The following GALNT15 variants were observed in gnomAD, a reference collection of about 807,000 sequenced individuals.
GALNT15 encodes the protein UDP-GalNAc transferase T15.
Under a neutral mutation model 66.8 loss-of-function variants are expected in GALNT15, and 67 were observed. That is an observed-to-expected ratio of 1.00 (90% CI 0.82 to 1.23). The LOEUF (loss-of-function observed/expected upper bound fraction) is 1.23. Ranked by LOEUF, GALNT15 falls within the 50% of genes most tolerant of loss-of-function variation. The pLI is 0.00. For missense variants in GALNT15, 827 were observed against 804.3 expected (o/e 1.03, Z -0.34); for synonymous variants, 313 against 311.5 (o/e 1.00, Z -0.05).
rs143345931 is a variant in GALNT15, at chr3:16,223,580, T to C, written c.1773+822T>C. Among the ~76,000 whole-genome samples the C allele has an allele frequency of 2.0e-4, 30 of 152,166 alleles. No homozygotes were observed. In the East Asian group the frequency reaches 5.8e-3, roughly 29 times the overall value. ...CAGGCTGTGAAAGAAGAAAATCGTA[T>C]GATAGAAAACTTAAGCTAAGCTCAC... On this transcript the variant is annotated intron_variant, in intron 9 of 9. Coordinates refer to ENST00000339732, the MANE Select transcript of GALNT15 (RefSeq NM_054110.5).
rs2063388425 is a variant in GALNT15 at position 16,174,944 on chromosome 3, G to T, written c.-208G>T. 1.8e-6 allele frequency: 1 copy of T among 559,776 alleles called. No individual in the cohort carries two copies. The highest frequency in any genetic ancestry group is 3.2e-6 in the Non-Finnish European group (1 of 315,854). The allele number at this position is 559,776 out of a possible 1,614,324, so 34.7% of individuals were successfully genotyped here. ...GAAATCCACTCAGAGAGGACTTGGG[G>T]TGAAACTTGGGTCCTGTGGTTTTCT... On this transcript the variant is annotated 5_prime_UTR_variant, in exon 1 of 10. Transcript: ENST00000339732. The surrounding 1 kb of genome is among the most constrained non-coding windows in gnomAD (Gnocchi z 4.7).
Position 16,193,245 on chromosome 3 carries a change from C to CA in GALNT15, c.540-2514dup, listed in dbSNP as rs1342396537. 6.6e-6 allele frequency among the ~76,000 whole-genome samples: 1 copy of CA among 152,192 alleles called. No homozygotes were observed. Among genetic ancestry groups the CA allele is most frequent in the East Asian group, 1.9e-4 (1 of 5,196 alleles). ...ATTTTACTTTGGCTACCAGGGATCT[C>CA]AGAGTCAAATTTAAATTCATTCTAG... On this transcript the variant is annotated intron_variant, in intron 1 of 9. Transcript: ENST00000339732. This position sits in a 1 kb window ranked among gnomAD's most constrained non-coding sequence, Gnocchi z 4.7.
intron 1 of GALNT15, among the ~76,000 whole-genome samples, chr3:16,194,022 G>A (rs1289818670): frequency 6.6e-6 from 1 of 152,186 alleles, no homozygotes; most frequent in African/African-American, 2.4e-5. Flanking sequence ...CCTCAGCAGA[G>A]GGAAATGCAA....
chr3:16,215,916 A>AACAAAAAAAAAAAAAAAAAAAAAC (rs1553687148), intron 6 of GALNT15, among the ~76,000 whole-genome samples: 3 of 143,452 alleles, frequency 2.1e-5, no homozygotes, highest in East Asian at 2.2e-4. Flanking sequence ...CAAAAAAAAA[A>AACAAAAAAAAAAAAAAAAAAAAAC]AAAAAAAAAG....
Position 16,204,829 on chromosome 3 carries a change from T to C in GALNT15, c.912-3674T>C, listed in dbSNP as rs1176526798. Among the ~76,000 whole-genome samples, 1 of 149,370 alleles carries C rather than the reference T, an allele frequency of 6.7e-6. No homozygotes were observed. Among genetic ancestry groups the C allele is most frequent in the East Asian group, 1.9e-4 (1 of 5,196 alleles). On this transcript the variant is annotated intron_variant, in intron 3 of 9. Coordinates refer to ENST00000339732, the MANE Select transcript of GALNT15 (RefSeq NM_054110.5). The surrounding 1 kb of genome is among the most constrained non-coding windows in gnomAD (Gnocchi z 4.5). ...GCAGGGAGAAGAACACCTCCCACTC[T>C]GCCCTTTGAAGGGTTAAATGATGGA...
rs933056060 is a variant in GALNT15 at position 16,224,891 on chromosome 3, C to A, written c.1773+2133C>A. Among the ~76,000 whole-genome samples, 1 of 152,090 alleles carries A rather than the reference C, an allele frequency of 6.6e-6. No homozygotes were observed. The highest frequency in any genetic ancestry group is 1.5e-5 in the Non-Finnish European group (1 of 68,014). On this transcript the variant is annotated intron_variant, in intron 9 of 9. Coordinates refer to ENST00000339732, the MANE Select transcript of GALNT15 (RefSeq NM_054110.5). This position sits in a 1 kb window ranked among gnomAD's most constrained non-coding sequence, Gnocchi z 5.2. ...ACATCAGGTAATCTGCCTGCCTCGGCCTCCCAAAGTGCTGGGATTACAAGT... is the reference window on the plus strand; with the variant it reads ...ACATCAGGTAATCTGCCTGCCTCGGACTCCCAAAGTGCTGGGATTACAAGT...
the GALNT15 span, among the ~76,000 whole-genome samples, chr3:16,247,505 C>G: frequency 5.9e-5 from 9 of 152,324 alleles, no homozygotes; most frequent in East Asian, 1.2e-3. Flanking sequence ...AGAACTAAAA[C>G]AGGAACCAGG....
At chr3:16,247,375 G>A in the GALNT15 span, among the ~76,000 whole-genome samples, 1 of 152,210 alleles carries the variant, frequency 6.6e-6, no homozygotes, top group Admixed American at 6.5e-5. Flanking sequence ...AGAAACTGTG[G>A]CTTGCCCAAG....
the GALNT15 span, among the ~76,000 whole-genome samples, chr3:16,242,520 G>A: frequency 1.3e-5 from 2 of 152,114 alleles, no homozygotes; most frequent in Non-Finnish European, 2.9e-5. This position sits in a 1 kb window ranked among gnomAD's most constrained non-coding sequence, Gnocchi z 5.6. Context: ...CACTTTAGGA[G>A]GCCGAGGCAG....
In GALNT15 at chr3:16,200,414, T is replaced by G. The variant is rs1034556220; in HGVS notation, c.707-205T>G. On this transcript the variant is annotated intron_variant, in intron 2 of 9. Transcript: ENST00000339732. This position sits in a 1 kb window ranked among gnomAD's most constrained non-coding sequence, Gnocchi z 4.4. The stretch of plus-strand genomic sequence containing the variant: ...GGTTTTCTGACACCATCCCTCTAAT[T>G]TTTACTGGAGAGAATCATGGCCCAC... Among the ~76,000 whole-genome samples the G allele has an allele frequency of 6.6e-6, 1 of 152,092 alleles. No homozygotes were observed. The highest frequency in any genetic ancestry group is 2.4e-5 in the African/African-American group (1 of 41,392).
chr3:16,246,040 C>T, the GALNT15 span, among the ~76,000 whole-genome samples: 1 of 152,168 alleles, frequency 6.6e-6, no homozygotes, highest in African/African-American at 2.4e-5. Flanking sequence ...GCTATCTGGC[C>T]TTCAGCTTTG....
At chr3:16,178,579 T>C (rs547271705) in intron 1 of GALNT15, among the ~76,000 whole-genome samples, 123 of 152,208 alleles carry the variant, frequency 8.1e-4, no homozygotes, top group African/African-American at 2.6e-3. Context: ...GACTCCCCTC[T>C]CCAGTCTGCG....
rs1243299242 is a variant in GALNT15 at position 16,189,149 on chromosome 3, C to T, written c.540-6611C>T. On this transcript the variant is annotated intron_variant, in intron 1 of 9. Coordinates refer to ENST00000339732, the MANE Select transcript of GALNT15 (RefSeq NM_054110.5). The surrounding 1 kb of genome is among the most constrained non-coding windows in gnomAD (Gnocchi z 5.1). ...CAAGAAGATTGGAGAGCTTTGCTCC[C>T]GGTGGCAGCCTGAATCACAGGAAAC... Among the ~76,000 whole-genome samples, 2 of 152,210 alleles carry T rather than the reference C, an allele frequency of 1.3e-5. No individual in the cohort carries two copies. The highest frequency in any genetic ancestry group is 2.4e-5 in the African/African-American group (1 of 41,456).
rs2064046417 is a variant in GALNT15, at chr3:16,228,474, C to G, written c.*974C>G. ...TGGTCAACATTGCAAAACCTTGTCT[C>G]TACTAAAAATACAAAAATTAGCTGG... On this transcript the variant is annotated 3_prime_UTR_variant, in exon 10 of 10. Coordinates refer to ENST00000339732, the MANE Select transcript of GALNT15 (RefSeq NM_054110.5). The G allele has an allele frequency of 1.7e-6, 1 of 600,840 alleles. No individual in the cohort carries two copies. The allele number at this position is 600,840 out of a possible 1,614,324, so 37.2% of individuals were successfully genotyped here.
chr3:16,179,781 C>G (rs1479185013), intron 1 of GALNT15, among the ~76,000 whole-genome samples: 1 of 152,092 alleles, frequency 6.6e-6, no homozygotes, highest in Non-Finnish European at 1.5e-5. Context: ...GGAGGGTCCT[C>G]GGGGCAGAGG....
Position 16,212,571 on chromosome 3 carries a change from C to G in GALNT15, c.1200C>G (p.Ala400=). The change falls in exon 6 of 10, where the codon GCC becomes GCG. Residue 400 remains alanine, a splice_region_variant and synonymous_variant. Transcript: ENST00000339732. ...TTTATCTTTTCCCTTCGTGGCAGGC[C>G]TGGCTCTGTGGTGGCTCTGTTGAAA... The part of the protein sequence containing the change: ...GGENLELSFK[A]WLCGGSVEIL... 6.2e-7 allele frequency: 1 copy of G among 1,612,312 alleles called. No individual in the cohort carries two copies. Among genetic ancestry groups the G allele is most frequent in the Non-Finnish European group, 8.5e-7 (1 of 1,178,822 alleles).
At position 16,204,703 on chromosome 3, in the gene GALNT15, G is replaced by A. The variant is rs1279293073; in HGVS notation, c.912-3800G>A. 1.3e-5 allele frequency among the ~76,000 whole-genome samples: 2 copies of A among 152,202 alleles called. No homozygotes were observed. Among genetic ancestry groups the A allele is most frequent in the African/African-American group, 4.8e-5 (2 of 41,456 alleles). On this transcript the variant is annotated intron_variant, in intron 3 of 9. Transcript: ENST00000339732. The surrounding 1 kb of genome is among the most constrained non-coding windows in gnomAD (Gnocchi z 4.5). Reference sequence around the variant, plus strand: ...AAAGATGATATCATCTCAAGAAGCTGAACAAGTTATCTCTTACTTGAAAAT... The same window carrying A: ...AAAGATGATATCATCTCAAGAAGCTAAACAAGTTATCTCTTACTTGAAAAT...
At chr3:16,243,298 T>C in the GALNT15 span, among the ~76,000 whole-genome samples, 7,913 of 152,322 alleles carry the variant, frequency 0.052, 266 homozygotes, top group Middle Eastern at 0.092. Flanking sequence ...CTGGGGCTGA[T>C]ATCCAAGGAG....
At chr3:16,190,538 T>C (rs2063564474) in intron 1 of GALNT15, among the ~76,000 whole-genome samples, 1 of 149,858 alleles carries the variant, frequency 6.7e-6, no homozygotes, top group African/African-American at 2.5e-5. Context: ...CTCAGGAGGC[T>C]GAGGCAGGAG....
Sources: gnomAD v4.1 joint callset for allele counts (sites outside exome capture counted in the v4.1 genomes callset) on GRCh38, gnomAD v4.1.1 for gene constraint, Gnocchi (gnomAD v3.1) non-coding constraint, MANE v1.5 for transcripts, NCBI Gene and HGNC (gene_info 2026-07-23, HGNC 2026-07-21) for gene names.